The following TBC1D30 variants were observed in gnomAD, a reference collection of about 807,000 sequenced individuals.
TBC1D30 encodes TBC1 domain family, member 30.
Under a neutral mutation model 63.2 loss-of-function variants are expected in TBC1D30, and 31 were observed. That is an observed-to-expected ratio of 0.49 (90% CI 0.37 to 0.66). TBC1D30 has a LOEUF of 0.66. TBC1D30 is among the 30% of genes least tolerant of loss of function. The pLI is 0.00. For synonymous variants in TBC1D30, 307 were observed against 361.5 expected (o/e 0.85, Z 1.71); for missense variants, 810 against 953.6 (o/e 0.85, Z 1.98).
Position 64,851,841 on chromosome 12 carries a change from A to G in TBC1D30, c.1038+8356A>G, listed in dbSNP as rs183626913. Among the ~76,000 whole-genome samples, 589 of 152,324 alleles carry G rather than the reference A, an allele frequency of 3.9e-3. 1 individual carries two copies. The highest frequency in any genetic ancestry group is 7.7e-3 in the Admixed American group (118 of 15,308). The stretch of plus-strand genomic sequence containing the variant: ...ATTCTTTTCTTTAAGAAAATTGAAT[A>G]TTGGCCTTCACTCTTTTCTGGCTTG... On this transcript the variant is annotated intron_variant, in intron 8 of 11. Coordinates refer to ENST00000539867, the MANE Select transcript of TBC1D30 (RefSeq NM_015279.2).
In TBC1D30 at chr12:64,875,042, A is replaced by C; in HGVS notation, c.1540A>C (p.Ser514Arg). The C allele has an allele frequency of 6.5e-7, 1 of 1,536,792 alleles. No individual in the cohort carries two copies. The highest frequency in any genetic ancestry group is 8.7e-7 in the Non-Finnish European group (1 of 1,147,050). The change falls in exon 12 of 12, where the codon AGT becomes CGT. Residue 514 changes from serine (S) to arginine (R), a missense_variant. Ser to Arg is a moderately radical substitution (Grantham distance 110). Coordinates refer to ENST00000539867, the MANE Select transcript of TBC1D30 (RefSeq NM_015279.2). ...VTSILPSQVN[S>R]SPVINHLLLG... ...CAGCATTCTCCCGTCTCAGGTAAAC[A>C]GTTCTCCAGTTATAAACCACCTTCT...
Position 64,878,972 on chromosome 12 carries a change from G to A in TBC1D30, c.*3184G>A, listed in dbSNP as rs894968952. The A allele has an allele frequency of 1.3e-5, 2 of 154,886 alleles. No homozygotes were observed. Among genetic ancestry groups the A allele is most frequent in the African/African-American group, 2.4e-5 (1 of 41,484 alleles). 9.6% of individuals were successfully genotyped at this position (154,886 alleles called of 1,614,324 possible). A position where few individuals can be genotyped will look rare whatever the true frequency, so the allele number is the denominator to read the frequency against. On this transcript the variant is annotated 3_prime_UTR_variant, in exon 12 of 12. Coordinates refer to ENST00000539867, the MANE Select transcript of TBC1D30 (RefSeq NM_015279.2). The stretch of plus-strand genomic sequence containing the variant: ...CTGCATGGCATTAAGGATTCTGTAT[G>A]AATAGATGTATAGTTGCTGCCATCT...
At chr12:64,786,780 A>G (rs1326472268) in intron 2 of TBC1D30, among the ~76,000 whole-genome samples, 1 of 151,962 alleles carries the variant, frequency 6.6e-6, no homozygotes, top group African/African-American at 2.4e-5. Flanking sequence ...GTGAAACCCC[A>G]TCTCTACTAA....
At chr12:64,767,373 G>A (rs1870750263) in intron 1 of TBC1D30, among the ~76,000 whole-genome samples, 1 of 152,066 alleles carries the variant, frequency 6.6e-6, no homozygotes, top group Non-Finnish European at 1.5e-5. Flanking sequence ...AATGATCATA[G>A]CCTACCACAA....
rs1445220007 is a variant in TBC1D30 at position 64,878,752 on chromosome 12, C to G, written c.*2964C>G. 1 of 346,656 alleles carries G rather than the reference C, an allele frequency of 2.9e-6. No individual in the cohort carries two copies. The highest frequency in any genetic ancestry group is 3.8e-5 in the Admixed American group (1 of 26,390). The allele number at this position is 346,656 out of a possible 1,614,324, so 21.5% of individuals were successfully genotyped here. A position where few individuals can be genotyped will look rare whatever the true frequency, so the allele number is the denominator to read the frequency against. On this transcript the variant is annotated 3_prime_UTR_variant, in exon 12 of 12. Transcript: ENST00000539867. ...CCCTTGGTCACATGAACCAGGGAAA[C>G]AGCCCAATAAGCTCTATCTCCCCCA... is the stretch of plus-strand genomic sequence containing the variant.
intron 2 of TBC1D30, among the ~76,000 whole-genome samples, chr12:64,798,584 A>G (rs1872412556): frequency 6.6e-6 from 1 of 152,192 alleles, no homozygotes; most frequent in Non-Finnish European, 1.5e-5. Context: ...GTATTAGACT[A>G]CCTGAAAGAC....
At chr12:64,844,929 T>C (rs1876224624) in intron 8 of TBC1D30, among the ~76,000 whole-genome samples, 1 of 152,254 alleles carries the variant, frequency 6.6e-6, no homozygotes, top group Admixed American at 6.5e-5. Flanking sequence ...ATCCATGTTG[T>C]TGCAAATGAC....
chr12:64,819,406 CTTTTTTTTT>C (rs55757950), intron 2 of TBC1D30, among the ~76,000 whole-genome samples: 19 of 78,022 alleles, frequency 2.4e-4, no homozygotes, highest in South Asian at 1.1e-3. Flanking sequence ...GAAGGAACTA[CTTTTTTTTT>C]TTTTTTTTTT....
exon 1 of TBC1D30, chr12:64,759,561 G>A: frequency 2.3e-6 from 1 of 438,356 alleles, no homozygotes; most frequent in Non-Finnish European, 4.0e-6. Flanking sequence ...CCGGAGAAAA[G>A]GGCGGAGAAC....
At chr12:64,813,369 G>A (rs540311868) in intron 2 of TBC1D30, among the ~76,000 whole-genome samples, 20 of 152,062 alleles carry the variant, frequency 1.3e-4, no homozygotes, top group Admixed American at 2.6e-4. Flanking sequence ...CAGCCTGGGC[G>A]ACAGAGCAAG....
chr12:64,862,764 A>G (rs17100725), intron 8 of TBC1D30, among the ~76,000 whole-genome samples: 6,504 of 152,286 alleles, frequency 0.043, 454 homozygotes, highest in African/African-American at 0.15. Context: ...TCCAAAGGAC[A>G]TGGGTTTCTT....
At chr12:64,861,235 C>A (rs1877760989) in intron 8 of TBC1D30, among the ~76,000 whole-genome samples, 1 of 152,118 alleles carries the variant, frequency 6.6e-6, no homozygotes, top group South Asian at 2.1e-4. Flanking sequence ...TCAATAATTA[C>A]AAAATATAAT....
chr12:64,771,981 G>T (rs760558097), intron 1 of TBC1D30, among the ~76,000 whole-genome samples: 2 of 152,064 alleles, frequency 1.3e-5, no homozygotes, highest in East Asian at 1.9e-4. Flanking sequence ...ATGGCCAGGC[G>T]CAGTGGCTCA....
intron 2 of TBC1D30, among the ~76,000 whole-genome samples, chr12:64,796,547 A>G (rs1872285406): frequency 6.6e-6 from 1 of 152,214 alleles, no homozygotes; most frequent in Non-Finnish European, 1.5e-5. Flanking sequence ...GATAGACACC[A>G]TATGAAAGAA....
Position 64,763,711 on chromosome 12 carries a change from C to T in TBC1D30, c.-376+4062C>T, listed in dbSNP as rs909836940. Among the ~76,000 whole-genome samples, 7 of 151,458 alleles carry T rather than the reference C, an allele frequency of 4.6e-5. No individual in the cohort carries two copies. In the East Asian group the frequency reaches 1.2e-3, roughly 25 times the overall value. ...ACAACCTCCACCTCTCAGGTTCAAG[C>T]GATTCTCCTGCCTCAGCCTCCCAAG... On this transcript the variant is annotated intron_variant, in intron 1 of 13. Coordinates refer to the TBC1D30 transcript ENST00000674237.
intron 2 of TBC1D30, among the ~76,000 whole-genome samples, chr12:64,794,154 A>G (rs996254075): frequency 6.6e-6 from 1 of 151,160 alleles, no homozygotes; most frequent in African/African-American, 2.4e-5. Context: ...TTTATCCTGG[A>G]CTGTTTATTT....
intron 2 of TBC1D30, among the ~76,000 whole-genome samples, chr12:64,810,260 CCTT>C (rs1347531775): frequency 3.3e-5 from 5 of 152,188 alleles, no homozygotes; most frequent in Non-Finnish European, 7.3e-5. Flanking sequence ...GGGCCATTCT[CCTT>C]CTCCATGTTT....
rs60489979 is a variant in TBC1D30, at chr12:64,765,490, CAAAAAAAAAAAAAAAAA to C, written c.-376+5855_-376+5871del. Among the ~76,000 whole-genome samples, 9 of 17,604 alleles carry C rather than the reference CAAAAAAAAAAAAAAAAA, an allele frequency of 5.1e-4. No homozygotes were observed. In the Admixed American group the frequency reaches 7.2e-3, roughly 14 times the overall value. 11.5% of individuals were successfully genotyped at this position (17,604 alleles called of 152,430 possible). ...CTGGGCGACAGAGCAAGACTGTCTC[CAAAAAAAAAAAAAAAAA>C]AAAAAAAAAAAAATTACTATATAGG... On this transcript the variant is annotated intron_variant, in intron 1 of 13. Transcript: ENST00000674237.
At chr12:64,860,142 C>G (rs900071986) in intron 8 of TBC1D30, among the ~76,000 whole-genome samples, 13 of 151,768 alleles carry the variant, frequency 8.6e-5, no homozygotes, top group Non-Finnish European at 1.6e-4. Flanking sequence ...CTCAGCCCCC[C>G]AAGTAACTGA....
Sources: allele counts gnomAD v4.1 joint callset (sites outside exome capture counted in the v4.1 genomes callset), GRCh38; gene constraint gnomAD v4.1.1; transcripts MANE v1.5; gene names NCBI Gene and HGNC (gene_info 2026-07-23, HGNC 2026-07-21).